Variants in PTPN6 observed in about 807,000 individuals in gnomAD.
PTPN6 encodes tyrosine-protein phosphatase non-receptor type 6.
Under a neutral mutation model 81.5 loss-of-function variants are expected in PTPN6, and 18 were observed. That is an observed-to-expected ratio of 0.22 (90% confidence interval 0.15 to 0.33). The LOEUF (loss-of-function observed/expected upper bound fraction) is 0.33, where lower values mean the gene tolerates loss of function less well. Among genes scored for constraint, PTPN6 ranks in the 10% least tolerant of loss-of-function variants. The probability of loss-of-function intolerance (pLI) is 1.00; values close to 1 mark genes in which losing one functional copy is unlikely to be tolerated. For synonymous variants in PTPN6, 301 were observed against 310.9 expected (o/e 0.97, Z 0.33); for missense variants, 500 against 794.2 (o/e 0.63, Z 4.45).
chr12:6,957,826 C>T lies in PTPN6; in HGVS notation c.1206+41C>T, dbSNP rs782002843. 1 of 1,614,066 alleles carries T rather than the reference C, an allele frequency of 6.2e-7. No homozygotes were observed. The highest frequency in any genetic ancestry group is 8.5e-7 in the Non-Finnish European group (1 of 1,179,988). On this transcript the variant is annotated intron_variant, in intron 10 of 15. Coordinates refer to ENST00000318974, the MANE Select transcript of PTPN6 (RefSeq NM_002831.6). The surrounding 1 kb of genome is among the most constrained non-coding windows in gnomAD (Gnocchi z 6.5). ...GCCCTGCCCCATTCCGGGAGTCCCT[C>T]CCTGGACTTGTTCTCCTCTCTGGTC... is the stretch of plus-strand genomic sequence containing the variant.
At position 6,954,668 on chromosome 12, in the gene PTPN6, TG is replaced by T; in HGVS notation, c.327-135del. The T allele has an allele frequency of 1.3e-6, 1 of 784,408 alleles. No homozygotes were observed. Among genetic ancestry groups the T allele is most frequent in the Non-Finnish European group, 2.1e-6 (1 of 481,562 alleles). The allele number at this position is 784,408 out of a possible 1,614,324, so 48.6% of individuals were successfully genotyped here. A position where few individuals can be genotyped will look rare whatever the true frequency, so the allele number is the denominator to read the frequency against. On this transcript the variant is annotated intron_variant, in intron 3 of 15. Coordinates refer to ENST00000318974, the MANE Select transcript of PTPN6 (RefSeq NM_002831.6). The surrounding 1 kb of genome is among the most constrained non-coding windows in gnomAD (Gnocchi z 5.4). ...ATGTTTGTGAGAGACCTAAATGAGG[TG>T]GTGGATTTGGAAGCATGTAGCGCAG...
At position 6,955,287 on chromosome 12, in the gene PTPN6, G is replaced by A; in HGVS notation, c.633+20G>A. The A allele has an allele frequency of 1.2e-6, 2 of 1,611,992 alleles. No individual in the cohort carries two copies. Among genetic ancestry groups the A allele is most frequent in the Non-Finnish European group, 1.7e-6 (2 of 1,178,010 alleles). On this transcript the variant is annotated intron_variant, in intron 5 of 15. Coordinates refer to ENST00000318974, the MANE Select transcript of PTPN6 (RefSeq NM_002831.6). This position sits in a 1 kb window ranked among gnomAD's most constrained non-coding sequence, Gnocchi z 7.2. Reference sequence around the variant, plus strand: ...CGGCAGGTCAGGGGTGGGCCCAGCTGCCTCCCCACTTCCCCTGAGCTGTCC... The same window carrying A: ...CGGCAGGTCAGGGGTGGGCCCAGCTACCTCCCCACTTCCCCTGAGCTGTCC...
rs782494259 is a variant in PTPN6 at position 6,960,381 on chromosome 12, C to T, written c.1619C>T (p.Thr540Ile). 1 of 1,613,804 alleles carries T rather than the reference C, an allele frequency of 6.2e-7. No individual in the cohort carries two copies. The highest frequency in any genetic ancestry group is 1.1e-5 in the South Asian group (1 of 91,056). ...KGQESEYGNI[T>I]YPPAMKNAHA... ...CAGGAGTCGGAGTACGGGAACATCACCTATCCCCCAGCCATGAAGAATGCC... is the reference window on the plus strand; with the variant it reads ...CAGGAGTCGGAGTACGGGAACATCATCTATCCCCCAGCCATGAAGAATGCC... Residue 540 changes from threonine to isoleucine, a missense_variant, in exon 14 of 16, where the codon ACC (threonine) becomes ATC (isoleucine). Coordinates refer to ENST00000318974, the MANE Select transcript of PTPN6 (RefSeq NM_002831.6). This position sits in a 1 kb window ranked among gnomAD's most constrained non-coding sequence, Gnocchi z 6.1.
rs1555149295 is a variant in PTPN6 at position 6,959,273 on chromosome 12, G to A, written c.1362-654G>A. 1 of 159,876 alleles carries A rather than the reference G, an allele frequency of 6.3e-6. No individual in the cohort carries two copies. Among genetic ancestry groups the A allele is most frequent in the Non-Finnish European group, 1.4e-5 (1 of 72,268 alleles). 9.9% of individuals were successfully genotyped at this position (159,876 alleles called of 1,614,324 possible). The stretch of plus-strand genomic sequence containing the variant: ...GCCTTTATTTAGACGTTACAGGAAG[G>A]AAGTGGGTGTGGGGGGTTATTTTTG... On this transcript the variant is annotated intron_variant, in intron 11 of 15. Coordinates refer to ENST00000318974, the MANE Select transcript of PTPN6 (RefSeq NM_002831.6). This position sits in a 1 kb window ranked among gnomAD's most constrained non-coding sequence, Gnocchi z 6.6.
At chr12:6,948,007 G>A (rs1468891129), upstream of PTPN6, among the ~76,000 whole-genome samples, 1 of 151,960 alleles carries the variant, frequency 6.6e-6, no homozygotes, top group Admixed American at 6.6e-5. Flanking sequence ...AAAACCTGAC[G>A]AGATGAGGTG....
At position 6,955,728 on chromosome 12, in the gene PTPN6, C is replaced by G. The variant is rs1218505261; in HGVS notation, c.816C>G (p.Gly272=). Residue 272 remains glycine, a synonymous_variant, in exon 7 of 16, where the codon GGC becomes GGG. Coordinates refer to ENST00000318974, the MANE Select transcript of PTPN6 (RefSeq NM_002831.6). This position sits in a 1 kb window ranked among gnomAD's most constrained non-coding sequence, Gnocchi z 7.2. ...AAGGGCAGCGGCCAGAGAACAAGGG[C>G]AAGAACCGCTACAAGAACATTCTCC... ...RLEGQRPENK[G]KNRYKNILPF... The G allele has an allele frequency of 6.2e-7, 1 of 1,613,986 alleles. No homozygotes were observed. The highest frequency in any genetic ancestry group is 2.2e-5 in the East Asian group (1 of 44,858).
In PTPN6 at chr12:6,957,359, G is replaced by A. The variant is rs1164705129; in HGVS notation, c.1075-295G>A. ...CTCGAGGCACAGGGGCACAGACTGG[G>A]TGTTATTTGTGTCTGTGAAGCTGTG... On this transcript the variant is annotated intron_variant, in intron 9 of 15. Transcript: ENST00000318974. This position sits in a 1 kb window ranked among gnomAD's most constrained non-coding sequence, Gnocchi z 6.5. Among the ~76,000 whole-genome samples the A allele has an allele frequency of 2.0e-5, 3 of 152,222 alleles. No homozygotes were observed. Among genetic ancestry groups the A allele is most frequent in the Non-Finnish European group, 4.4e-5 (3 of 68,042 alleles).
At position 6,960,797 on chromosome 12, in the gene PTPN6, C is replaced by T. The variant is rs201288920; in HGVS notation, c.1674-9C>T. The T allele has an allele frequency of 1.7e-5, 27 of 1,556,886 alleles. No homozygotes were observed. The highest frequency in any genetic ancestry group is 3.9e-5 in the Admixed American group (2 of 51,468). ...CTGCCTGTACTTGCCCCCCTGCACC[C>T]GGCTGCAGACACAAGGAGGATGTGT... On this transcript the variant is annotated splice_polypyrimidine_tract_variant and intron_variant, in intron 14 of 15. Coordinates refer to ENST00000318974, the MANE Select transcript of PTPN6 (RefSeq NM_002831.6). This position sits in a 1 kb window ranked among gnomAD's most constrained non-coding sequence, Gnocchi z 6.1.
Position 6,955,050 on chromosome 12 carries a change from G to C in PTPN6, c.516+56G>C. On this transcript the variant is annotated intron_variant, in intron 4 of 15. Coordinates refer to ENST00000318974, the MANE Select transcript of PTPN6 (RefSeq NM_002831.6). The surrounding 1 kb of genome is among the most constrained non-coding windows in gnomAD (Gnocchi z 7.2). ...GCTGAGGCTCCTGTCTGTGACCACAGTGTGGGTGGCAGGGAGGGTCTGCCT... is the reference window on the plus strand; with the variant it reads ...GCTGAGGCTCCTGTCTGTGACCACACTGTGGGTGGCAGGGAGGGTCTGCCT... 3.1e-6 allele frequency: 5 copies of C among 1,610,434 alleles called. No homozygotes were observed. Among genetic ancestry groups the C allele is most frequent in the Non-Finnish European group, 4.2e-6 (5 of 1,176,756 alleles).
In PTPN6 at chr12:6,956,613, C is replaced by A; in HGVS notation, c.1074+45C>A. ...CCGCATCCGCCCCCGTGCTTGTGGTCATGCCATTAAGTCGAAGAGCAGTCA... is the reference window on the plus strand; with the variant it reads ...CCGCATCCGCCCCCGTGCTTGTGGTAATGCCATTAAGTCGAAGAGCAGTCA... On this transcript the variant is annotated intron_variant, in intron 9 of 15. Transcript: ENST00000318974. This position sits in a 1 kb window ranked among gnomAD's most constrained non-coding sequence, Gnocchi z 4.1. The A allele has an allele frequency of 3.1e-6, 5 of 1,611,112 alleles. No homozygotes were observed. In the South Asian group the frequency reaches 5.5e-5, roughly 18 times the overall value.
Position 6,952,240 on chromosome 12 carries a change from C to T in PTPN6, c.326+63C>T. The T allele has an allele frequency of 1.3e-6, 2 of 1,583,756 alleles. No individual in the cohort carries two copies. Among genetic ancestry groups the T allele is most frequent in the Non-Finnish European group, 1.7e-6 (2 of 1,155,884 alleles). ...TGAGCCGGCTCCCACCCTGAACAGCCAGGGAGGCAGGGAGACTGGCAGCCG... is the reference window on the plus strand; with the variant it reads ...TGAGCCGGCTCCCACCCTGAACAGCTAGGGAGGCAGGGAGACTGGCAGCCG... On this transcript the variant is annotated intron_variant, in intron 3 of 15. Transcript: ENST00000318974. This position sits in a 1 kb window ranked among gnomAD's most constrained non-coding sequence, Gnocchi z 8.1.
In PTPN6 at chr12:6,960,145, C is replaced by T. The variant is rs1283407292; in HGVS notation, c.1487C>T (p.Ser496Leu). ...KTIQMVRAQR[S>L]GMVQTEAQYK... Reference sequence around the variant, plus strand: ...ATCCAGATGGTGCGGGCGCAGCGCTCGGGCATGGTGCAGACGGAGGCGCAG... The same window carrying T: ...ATCCAGATGGTGCGGGCGCAGCGCTTGGGCATGGTGCAGACGGAGGCGCAG... The change falls in exon 13 of 16, where the codon TCG (serine) becomes TTG (leucine). Residue 496 changes from serine (S) to leucine (L), a missense_variant. Transcript: ENST00000318974. This position sits in a 1 kb window ranked among gnomAD's most constrained non-coding sequence, Gnocchi z 6.1. The T allele has an allele frequency of 2.5e-6, 4 of 1,613,592 alleles. No homozygotes were observed. The highest frequency in any genetic ancestry group is 1.7e-6 in the Non-Finnish European group (2 of 1,179,996).
Position 6,956,712 on chromosome 12 carries a change from T to G in PTPN6, c.1074+144T>G, listed in dbSNP as rs1188757220. The G allele has an allele frequency of 2.3e-5, 26 of 1,115,936 alleles. No homozygotes were observed. Among genetic ancestry groups the G allele is most frequent in the Non-Finnish European group, 3.1e-5 (24 of 774,458 alleles). 69.1% of individuals were successfully genotyped at this position (1,115,936 alleles called of 1,614,324 possible). On this transcript the variant is annotated intron_variant, in intron 9 of 15. Transcript: ENST00000318974. This position sits in a 1 kb window ranked among gnomAD's most constrained non-coding sequence, Gnocchi z 4.1. ...GGGAAACTGAGGGCTAGTGACAAAG[T>G]CTCGACTACACAACGTGACCCCCAG...
At chr12:6,948,347 G>T (rs910792027), upstream of PTPN6, among the ~76,000 whole-genome samples, 1 of 151,064 alleles carries the variant, frequency 6.6e-6, no homozygotes, top group African/African-American at 2.4e-5. Context: ...GAGGCAGGAG[G>T]ATCACCTGAG....
chr12:6,958,203 C>T, intron 11 of PTPN6, 130 bp downstream of exon 11: 1 of 1,305,904 alleles, frequency 7.7e-7, no homozygotes, highest in South Asian at 1.3e-5. Context: ...CCGGCTTCTC[C>T]TGGGTCCCCT....
At position 6,960,265 on chromosome 12, in the gene PTPN6, G is replaced by A. The variant is rs374706005; in HGVS notation, c.1581+26G>A. Reference sequence around the variant, plus strand: ...GTGCGTGCAGAGCAGGGCCTGGGGGGGGGGGGGGCTGCAGTGCAGGATGGG... The same window carrying A: ...GTGCGTGCAGAGCAGGGCCTGGGGGAGGGGGGGGCTGCAGTGCAGGATGGG... On this transcript the variant is annotated intron_variant, in intron 13 of 15. Transcript: ENST00000318974. The surrounding 1 kb of genome is among the most constrained non-coding windows in gnomAD (Gnocchi z 6.1). The A allele has an allele frequency of 4.5e-5, 73 of 1,606,926 alleles. No individual in the cohort carries two copies. The highest frequency in any genetic ancestry group is 2.0e-4 in the Admixed American group (12 of 59,778).
Position 6,957,772 on chromosome 12 carries a change from C to G in PTPN6, c.1193C>G (p.Ser398Cys), listed in dbSNP as rs782746802. 2 of 1,614,166 alleles carry G rather than the reference C, an allele frequency of 1.2e-6. No individual in the cohort carries two copies. The highest frequency in any genetic ancestry group is 2.2e-5 in the East Asian group (1 of 44,888). Residue 398 changes from serine (S) to cysteine (C), a missense_variant, in exon 10 of 16, where the codon TCC becomes TGC. Coordinates refer to ENST00000318974, the MANE Select transcript of PTPN6 (RefSeq NM_002831.6). The surrounding 1 kb of genome is among the most constrained non-coding windows in gnomAD (Gnocchi z 6.5). Reference sequence around the variant, plus strand: ...TACAAACTCCGTACCTTACAGGTCTCCCCGCTGGACAATGTGAGTGGCCCC... The same window carrying G: ...TACAAACTCCGTACCTTACAGGTCTGCCCGCTGGACAATGTGAGTGGCCCC... ...TEYKLRTLQV[S>C]PLDNGDLIRE...
Position 6,960,160 on chromosome 12 carries a change from C to T in PTPN6, c.1502C>T (p.Thr501Met), listed in dbSNP as rs782414151. The stretch of plus-strand genomic sequence containing the variant: ...GCGCAGCGCTCGGGCATGGTGCAGA[C>T]GGAGGCGCAGTACAAGTTCATCTAC... ...VRAQRSGMVQTEAQYKFIYVA... is the reference protein window; with the variant it reads ...VRAQRSGMVQMEAQYKFIYVA... The change falls in exon 13 of 16, where the codon ACG (threonine) becomes ATG (methionine). Residue 501 changes from threonine to methionine, a missense_variant. By Grantham distance (81) the Thr-to-Met change is moderately conservative. This residue lies in a region of PTPN6 where 226 missense variants were observed against 364.4 expected (regional missense o/e 0.62). Coordinates refer to ENST00000318974, the MANE Select transcript of PTPN6 (RefSeq NM_002831.6). The surrounding 1 kb of genome is among the most constrained non-coding windows in gnomAD (Gnocchi z 6.1). 4.3e-6 allele frequency: 7 copies of T among 1,613,264 alleles called. No homozygotes were observed. Among genetic ancestry groups the T allele is most frequent in the Non-Finnish European group, 5.9e-6 (7 of 1,179,982 alleles).
upstream of PTPN6, chr12:6,951,143 G>A (rs1647728772): frequency 9.7e-7 from 1 of 1,033,472 alleles, no homozygotes; most frequent in Non-Finnish European, 1.3e-6. The surrounding 1 kb of genome is among the most constrained non-coding windows in gnomAD (Gnocchi z 7.2). Context: ...GCACACATGT[G>A]TCCTTACTGC....
Sources: gnomAD v4.1 joint callset for allele counts (sites outside exome capture counted in the v4.1 genomes callset) on GRCh38, gnomAD v4.1.1 for gene constraint, gnomAD v4.1.1 regional missense constraint, Gnocchi (gnomAD v3.1) non-coding constraint, MANE v1.5 for transcripts, NCBI Gene and HGNC (gene_info 2026-07-23, HGNC 2026-07-21) for gene names.